ANGPT1: variants seen among roughly 807,000 people sequenced by gnomAD.
ANGPT1 encodes angiopoietin 1.
In ANGPT1, 17 loss-of-function variants were observed where a neutral mutation model predicts 62.2. That is an observed-to-expected ratio of 0.27 (90% CI 0.19 to 0.41). The LOEUF is 0.41. Ranked by LOEUF, ANGPT1 falls within the 10% of genes least tolerant of loss-of-function variation. The pLI, the probability that ANGPT1 is intolerant of heterozygous loss-of-function variation, is 1.00. For synonymous variants in ANGPT1, 199 were observed against 198.9 expected, an observed-to-expected ratio of 1.00 and a Z score of 0.00; for missense variants, 478 against 594.9, an observed-to-expected ratio of 0.80 and a Z score of 2.04.
intron 7 of ANGPT1, among the ~76,000 whole-genome samples, chr8:107,275,273 G>C (rs144002128): frequency 6.6e-6 from 1 of 152,048 alleles, no homozygotes; most frequent in Non-Finnish European, 1.5e-5. Context: ...CACAAGCAGC[G>C]GTTCTCCTTT....
intron 1 of ANGPT1, among the ~76,000 whole-genome samples, chr8:107,402,395 A>G (rs1412484969): frequency 6.6e-6 from 1 of 152,214 alleles, no homozygotes; most frequent in East Asian, 1.9e-4. Context: ...ATATTTGTCC[A>G]GATAAAGATC....
chr8:107,326,508 T>C (rs1454825264), intron 3 of ANGPT1, among the ~76,000 whole-genome samples: 1 of 152,092 alleles, frequency 6.6e-6, no homozygotes, highest in Non-Finnish European at 1.5e-5. Flanking sequence ...ATCCCCTTTT[T>C]TCATCTTCTC....
intron 1 of ANGPT1, among the ~76,000 whole-genome samples, chr8:107,349,151 T>C (rs1419918275): frequency 2.0e-5 from 3 of 151,850 alleles, no homozygotes; most frequent in African/African-American, 7.3e-5. Context: ...GATAGATAGA[T>C]AGATAGATAG....
chr8:107,471,055 C>A (rs1812343950), intron 1 of ANGPT1, among the ~76,000 whole-genome samples: 1 of 152,024 alleles, frequency 6.6e-6, no homozygotes, highest in Non-Finnish European at 1.5e-5. Context: ...GGTAGATACC[C>A]AAAGATTATA....
At chr8:107,458,014 A>C (rs1811969131) in intron 1 of ANGPT1, among the ~76,000 whole-genome samples, 1 of 152,122 alleles carries the variant, frequency 6.6e-6, no homozygotes, top group Non-Finnish European at 1.5e-5. Context: ...AGTGTGAAAA[A>C]AATAAAATAA....
At chr8:107,294,137 A>C in intron 5 of ANGPT1, 100 bp from the exon 6 acceptor site, 5 of 866,382 alleles carry the variant, frequency 5.8e-6, no homozygotes, top group South Asian at 4.2e-5. Context: ...AGGTCTGCAG[A>C]TTACAAAAAC....
chr8:107,351,226 A>G (rs1219471030), intron 1 of ANGPT1, among the ~76,000 whole-genome samples: 1 of 152,068 alleles, frequency 6.6e-6, no homozygotes, highest in Non-Finnish European at 1.5e-5. Context: ...ATGACAAACA[A>G]TAAATGATTA....
chr8:107,320,914 T>C (rs1424877196), intron 4 of ANGPT1, among the ~76,000 whole-genome samples: 6 of 152,140 alleles, frequency 3.9e-5, no homozygotes, highest in Non-Finnish European at 5.9e-5. Context: ...CATGTGTACA[T>C]TGCATATGCT....
chr8:107,333,938 G>A (rs1309334899), intron 3 of ANGPT1, among the ~76,000 whole-genome samples: 1 of 130,814 alleles, frequency 7.6e-6, no homozygotes, highest in Non-Finnish European at 1.6e-5. Context: ...AAGAAAGAAA[G>A]AAAGAAAAAG....
chr8:107,264,114 G>T lies in ANGPT1; in HGVS notation c.1336+107C>A, dbSNP rs113046079. The stretch of plus-strand genomic sequence containing the variant: ...AGAACAAAATGATCTCTAGGGACTT[G>T]CTCTTAAGTTTCCTGACCATAAGAT... On this transcript the variant is annotated intron_variant, in intron 8 of 8. Coordinates refer to ENST00000517746, the MANE Select transcript of ANGPT1 (RefSeq NM_001146.5). The T allele has an allele frequency of 2.4e-5, 32 of 1,352,492 alleles. 2 individuals are homozygous for T. The African/African-American group carries it at 2.7e-4, about 11-fold the overall frequency. 83.8% of individuals were successfully genotyped at this position (1,352,492 alleles called of 1,614,324 possible). A position where few individuals can be genotyped will look rare whatever the true frequency, so the allele number is the denominator to read the frequency against.
chr8:107,481,939 A>G (rs977483548), intron 1 of ANGPT1, among the ~76,000 whole-genome samples: 4 of 152,168 alleles, frequency 2.6e-5, no homozygotes, highest in Non-Finnish European at 5.9e-5. Context: ...ATTCAAGATG[A>G]TATTTGGGTG....
chr8:107,380,300 T>A (rs1816609844), intron 1 of ANGPT1, among the ~76,000 whole-genome samples: 1 of 152,000 alleles, frequency 6.6e-6, no homozygotes, highest in African/African-American at 2.4e-5. Context: ...CATGATATAA[T>A]CAATCAACTA....
chr8:107,459,972 A>G (rs1344193468), intron 1 of ANGPT1, among the ~76,000 whole-genome samples: 40 of 152,264 alleles, frequency 2.6e-4, no homozygotes, highest in Non-Finnish European at 5.9e-5. Flanking sequence ...AATTTCATGA[A>G]CTCCAAATGA....
chr8:107,264,665 C>T (rs569526955), intron 7 of ANGPT1, among the ~76,000 whole-genome samples: 5 of 152,292 alleles, frequency 3.3e-5, no homozygotes, highest in African/African-American at 1.2e-4. Context: ...AATGTCAATT[C>T]AGCATGTCAC....
intron 2 of ANGPT1, among the ~76,000 whole-genome samples, chr8:107,345,000 T>C (rs1815772594): frequency 1.3e-5 from 2 of 152,124 alleles, no homozygotes; most frequent in African/African-American, 4.8e-5. Flanking sequence ...CATTTACATA[T>C]AACAGGTTCG....
rs1813586190 is a variant in ANGPT1, at chr8:107,265,272, T to A, written c.1206-921A>T. ...TTTGTTTTCAACTAGCATCTCAGATTTCTCTTTGCAGACTGTCCAAAGAGA... is the reference window on the plus strand; with the variant it reads ...TTTGTTTTCAACTAGCATCTCAGATATCTCTTTGCAGACTGTCCAAAGAGA... On this transcript the variant is annotated intron_variant, in intron 7 of 8. Transcript: ENST00000517746. Among the ~76,000 whole-genome samples the A allele has an allele frequency of 1.3e-5, 2 of 152,322 alleles. 1 individual carries two copies. The highest frequency in any genetic ancestry group is 2.9e-5 in the Non-Finnish European group (2 of 68,028).
At chr8:107,397,197 A>G (rs1816953418) in intron 1 of ANGPT1, among the ~76,000 whole-genome samples, 1 of 152,212 alleles carries the variant, frequency 6.6e-6, no homozygotes, top group South Asian at 2.1e-4. Context: ...CTACAAAACC[A>G]TCATTCCTAG....
At chr8:107,377,999 T>G (rs1047296925) in intron 1 of ANGPT1, among the ~76,000 whole-genome samples, 3 of 152,200 alleles carry the variant, frequency 2.0e-5, no homozygotes. Flanking sequence ...TCCAAATGAC[T>G]TAGCAGCAGA....
At chr8:107,394,659 T>C (rs1381627306) in intron 1 of ANGPT1, among the ~76,000 whole-genome samples, 2 of 152,186 alleles carry the variant, frequency 1.3e-5, no homozygotes. Flanking sequence ...TAGCAGATTG[T>C]CACTAACGCT....
Sources: allele counts gnomAD v4.1 joint callset (sites outside exome capture counted in the v4.1 genomes callset), GRCh38; gene constraint gnomAD v4.1.1; transcripts MANE v1.5; gene names NCBI Gene and HGNC (gene_info 2026-07-23, HGNC 2026-07-21).